The following PAK5 variants were observed in gnomAD, a reference collection of about 807,000 sequenced individuals.
PAK5 encodes the protein p21 (RAC1) activated kinase 5, also known as serine/threonine-protein kinase PAK 5.
PAK5 carries 16 observed loss-of-function variants against 65.9 expected under a neutral mutation model. That is an observed-to-expected ratio of 0.24 (90% CI 0.16 to 0.37). PAK5 has a LOEUF of 0.37. PAK5 is among the 10% of genes least tolerant of loss of function. PAK5 has a pLI of 1.00. For synonymous variants in PAK5, 371 were observed against 354.9 expected (o/e 1.05, Z -0.51); for missense variants, 785 against 903.9 (o/e 0.87, Z 1.69).
intron 3 of PAK5, among the ~76,000 whole-genome samples, chr20:9,643,647 T>C: frequency 6.6e-6 from 1 of 152,304 alleles, no homozygotes; most frequent in Non-Finnish European, 1.5e-5. Flanking sequence ...TACATGTATA[T>C]GCCTAAATAT....
At chr20:9,702,093 A>G (rs1267251649) in intron 2 of PAK5, among the ~76,000 whole-genome samples, 1 of 152,198 alleles carries the variant, frequency 6.6e-6, no homozygotes, top group Admixed American at 6.6e-5. Flanking sequence ...TCAAAAATAA[A>G]TGACAGAGAA....
chr20:9,637,898 T>A (rs1381041277), intron 3 of PAK5, among the ~76,000 whole-genome samples: 1 of 152,240 alleles, frequency 6.6e-6, no homozygotes, highest in African/African-American at 2.4e-5. Flanking sequence ...TTTTGTTTTT[T>A]AGCATTTTCA....
chr20:9,805,616 G>T lies in PAK5; in HGVS notation c.-162+33146C>A, dbSNP rs1295316420. Among the ~76,000 whole-genome samples the T allele has an allele frequency of 2.6e-5, 4 of 152,102 alleles. 1 individual carries two copies. Among genetic ancestry groups the T allele is most frequent in the African/African-American group, 9.7e-5 (4 of 41,404 alleles). On this transcript the variant is annotated intron_variant, in intron 1 of 9. Transcript: ENST00000353224. ...GTATTGTGCTATGTGAAAGAAGCCAGTCACAAAAGACCACATACTCCATTT... is the reference window on the plus strand; with the variant it reads ...GTATTGTGCTATGTGAAAGAAGCCATTCACAAAAGACCACATACTCCATTT...
intron 5 of PAK5, 64 bp from the exon 6 acceptor site, chr20:9,563,088 C>T (rs2045617369): frequency 4.9e-6 from 7 of 1,421,330 alleles, no homozygotes; most frequent in Non-Finnish European, 6.9e-6. Flanking sequence ...TCTCTTGTGG[C>T]CACAACTACA....
At chr20:9,797,690 G>T (rs1484582378) in intron 1 of PAK5, among the ~76,000 whole-genome samples, 2 of 148,572 alleles carry the variant, frequency 1.3e-5, no homozygotes, top group Admixed American at 6.7e-5. Context: ...AAAAAAAAAA[G>T]AAAAAATAAA....
At chr20:9,601,295 A>T (rs895301424) in intron 3 of PAK5, among the ~76,000 whole-genome samples, 1 of 152,200 alleles carries the variant, frequency 6.6e-6, no homozygotes, top group African/African-American at 2.4e-5. Context: ...AGAATTTCCA[A>T]GAATTTAGAA....
chr20:9,747,863 G>A (rs1343462970), intron 1 of PAK5, among the ~76,000 whole-genome samples: 2 of 150,006 alleles, frequency 1.3e-5, no homozygotes, highest in Admixed American at 6.6e-5. Flanking sequence ...AGGAAATAAA[G>A]GGTATTCAAT....
intron 1 of PAK5, among the ~76,000 whole-genome samples, chr20:9,767,743 G>C (rs1001553903): frequency 6.6e-6 from 1 of 152,148 alleles, no homozygotes; most frequent in South Asian, 2.1e-4. Flanking sequence ...ATGCAGGTCA[G>C]TGGTATTGGG....
chr20:9,712,138 T>C (rs1052186276), intron 1 of PAK5, among the ~76,000 whole-genome samples: 1 of 152,122 alleles, frequency 6.6e-6, no homozygotes, highest in Non-Finnish European at 1.5e-5. Context: ...CCCTACACTA[T>C]GGGGCCATTT....
At chr20:9,734,575 T>C (rs28391665) in intron 1 of PAK5, among the ~76,000 whole-genome samples, 22 of 63,124 alleles carry the variant, frequency 3.5e-4, no homozygotes, top group African/African-American at 7.3e-4. Flanking sequence ...CACACACACA[T>C]ACACACAGGC....
chr20:9,702,390 C>T (rs114818427), intron 2 of PAK5, among the ~76,000 whole-genome samples: 1,618 of 152,260 alleles, frequency 0.011, 17 homozygotes, highest in Middle Eastern at 0.044. Flanking sequence ...TTACCCATGA[C>T]CTGAGGAGCT....
chr20:9,578,753 A>AT (rs1197335591), intron 4 of PAK5, among the ~76,000 whole-genome samples: 5 of 152,274 alleles, frequency 3.3e-5, no homozygotes, highest in Admixed American at 3.3e-4. Context: ...GTTCAAGTAG[A>AT]TTTTGCTTGT....
chr20:9,649,701 C>A (rs1031658194), intron 2 of PAK5, among the ~76,000 whole-genome samples: 3 of 152,138 alleles, frequency 2.0e-5, no homozygotes, highest in Non-Finnish European at 2.9e-5. Flanking sequence ...TGCAGCAGCA[C>A]CTGGTACTAT....
At chr20:9,557,012 C>T (rs1222447084) in intron 7 of PAK5, among the ~76,000 whole-genome samples, 3 of 152,254 alleles carry the variant, frequency 2.0e-5, no homozygotes, top group Admixed American at 6.5e-5. Flanking sequence ...CCAGGCAGCT[C>T]CGAAATCTAT....
At chr20:9,789,464 C>T (rs970550732) in intron 1 of PAK5, among the ~76,000 whole-genome samples, 2 of 151,880 alleles carry the variant, frequency 1.3e-5, no homozygotes, top group African/African-American at 4.8e-5. Context: ...TCAATTATTT[C>T]AATGAAAAAA....
chr20:9,571,402 T>C (rs1311136046), intron 4 of PAK5, among the ~76,000 whole-genome samples: 2 of 152,180 alleles, frequency 1.3e-5, no homozygotes, highest in African/African-American at 4.8e-5. Context: ...TTGTGGTTGA[T>C]AAAATAGAGG....
intron 3 of PAK5, among the ~76,000 whole-genome samples, chr20:9,635,163 T>C (rs1162240007): frequency 6.6e-6 from 1 of 152,210 alleles, no homozygotes; most frequent in Middle Eastern, 3.2e-3. Context: ...TGAATTTTTA[T>C]TAAATGTCTT....
At chr20:9,564,134 A>T (rs1328718138) in intron 5 of PAK5, among the ~76,000 whole-genome samples, 1 of 152,180 alleles carries the variant, frequency 6.6e-6, no homozygotes, top group African/African-American at 2.4e-5. Flanking sequence ...TAGGACTTAG[A>T]TCTCTCATCC....
At chr20:9,770,777 T>C (rs897757948) in intron 1 of PAK5, among the ~76,000 whole-genome samples, 2 of 151,976 alleles carry the variant, frequency 1.3e-5, no homozygotes, top group East Asian at 3.9e-4. Flanking sequence ...CACAGTGGGG[T>C]TGAAGAATCG....
Sources: gnomAD v4.1 joint callset for allele counts (sites outside exome capture counted in the v4.1 genomes callset) on GRCh38, gnomAD v4.1.1 for gene constraint, MANE v1.5 for transcripts, NCBI Gene and HGNC (gene_info 2026-07-23, HGNC 2026-07-21) for gene names.